The following TUT4 variants were observed in gnomAD, a reference collection of about 807,000 sequenced individuals.
TUT4 encodes terminal uridylyl transferase 4, also known as terminal uridylyltransferase 4.
Under a neutral mutation model 192.2 loss-of-function variants are expected in TUT4, and 36 were observed. That is an observed-to-expected ratio of 0.19 (90% CI 0.14 to 0.25). TUT4 has a LOEUF of 0.25. Ranked by LOEUF, TUT4 falls within the 10% of genes least tolerant of loss-of-function variation. The probability of loss-of-function intolerance (pLI) is 1.00; values close to 1 mark genes in which losing one functional copy is unlikely to be tolerated. For synonymous variants in TUT4, 618 were observed against 666.0 expected (o/e 0.93, Z 1.11); for missense variants, 1,493 against 1,957.2 (o/e 0.76, Z 4.47).
Position 52,461,719 on chromosome 1 carries a change from T to C in TUT4, c.3120A>G (p.Arg1040=). ...AAGATTCAAAATTCATACCTGGATGTCTCTTAAGAATTTTTGCCAAATTTT... is the reference window on the plus strand; with the variant it reads ...AAGATTCAAAATTCATACCTGGATGCCTCTTAAGAATTTTTGCCAAATTTT... ...IIENLAKILK[R]HPGLRNILPI... The change falls in exon 17 of 30, where the codon AGA becomes AGG. Residue 1040 remains arginine, a synonymous_variant. Coordinates refer to ENST00000257177, the MANE Select transcript of TUT4 (RefSeq NM_001009881.3). 6.6e-7 allele frequency: 1 copy of C among 1,510,946 alleles called. No individual in the cohort carries two copies. The allele number at this position is 1,510,946 out of a possible 1,614,324, so 93.6% of individuals were successfully genotyped here. A position where few individuals can be genotyped will look rare whatever the true frequency, so the allele number is the denominator to read the frequency against.
chr1:52,510,317 CAAAAAAAAAAAAA>C (rs200690805), intron 3 of TUT4, among the ~76,000 whole-genome samples: 4 of 78,600 alleles, frequency 5.1e-5, no homozygotes, highest in East Asian at 3.4e-4. Flanking sequence ...TTCGTATTAA[CAAAAAAAAAAAAA>C]AAAAAAAAAA....
At chr1:52,514,748 G>A (rs1008114935) in intron 3 of TUT4, 3 of 149,758 alleles carry the variant, frequency 2.0e-5, no homozygotes, top group African/African-American at 7.4e-5. Context: ...AATAACCCAA[G>A]TATCTGTTTG....
At chr1:52,438,080 T>A in intron 25 of TUT4, 140 bp downstream of exon 25, 1 of 585,814 alleles carries the variant, frequency 1.7e-6, no homozygotes, top group South Asian at 2.7e-5. Flanking sequence ...ATTACAAAAT[T>A]CCACTCAAAT....
At chr1:52,544,634 G>A (rs764883456) in intron 1 of TUT4, among the ~76,000 whole-genome samples, 3 of 152,204 alleles carry the variant, frequency 2.0e-5, no homozygotes, top group Non-Finnish European at 2.9e-5. Context: ...AAAGCTTCAT[G>A]ACACTGGAGT....
In TUT4 at chr1:52,477,881, G is replaced by A; in HGVS notation, c.1850C>T (p.Ser617Phe). The change falls in exon 12 of 30, where the codon TCT becomes TTT. Residue 617 changes from serine (S) to phenylalanine (F), a missense_variant and splice_region_variant. Physicochemically the swap from Ser to Phe is radical, Grantham distance 155. Coordinates refer to ENST00000257177, the MANE Select transcript of TUT4 (RefSeq NM_001009881.3). ...ATTTGGTGTTTCCAATGCTAAAGGAGACTGGAAAAGAAAAAATACTTTTCA... is the reference window on the plus strand; with the variant it reads ...ATTTGGTGTTTCCAATGCTAAAGGAAACTGGAAAAGAAAAAATACTTTTCA... The part of the protein sequence containing the change: ...SNAMKEKHGK[S>F]PLALETPNRV... 1.3e-6 allele frequency: 2 copies of A among 1,574,404 alleles called. No homozygotes were observed. Among genetic ancestry groups the A allele is most frequent in the Admixed American group, 2.0e-5 (1 of 49,210 alleles).
chr1:52,456,530 A>C (rs1480009091), intron 20 of TUT4, among the ~76,000 whole-genome samples: 2 of 151,612 alleles, frequency 1.3e-5, no homozygotes, highest in Non-Finnish European at 2.9e-5. Context: ...ATGAGCTATC[A>C]AGCCATGAAA....
intron 1 of TUT4, chr1:52,529,751 G>C (rs763833670): frequency 3.3e-5 from 5 of 151,992 alleles, no homozygotes; most frequent in Admixed American, 6.6e-5. Flanking sequence ...ATTAAAAAAA[G>C]AAAAAAATCA....
rs1344232673 is a variant in TUT4, at chr1:52,509,668, G to A, written c.927C>T (p.Cys309=). 6.2e-7 allele frequency: 1 copy of A among 1,612,106 alleles called. No individual in the cohort carries two copies. Among genetic ancestry groups the A allele is most frequent in the Non-Finnish European group, 8.5e-7 (1 of 1,178,694 alleles). Residue 309 remains cysteine, a synonymous_variant, in exon 4 of 30, where the codon TGC becomes TGT. Coordinates refer to ENST00000257177, the MANE Select transcript of TUT4 (RefSeq NM_001009881.3). ...YTNCRYLCKL[C]LIHIENIQGA... is the part of the protein sequence containing the mutation. ...CCTGGATATTTTCAATGTGAATTAA[G>A]CAAAGTTTGCATAGATACCGACAAT...
chr1:52,477,339 A>G (rs1667360196), intron 12 of TUT4, among the ~76,000 whole-genome samples: 2 of 152,186 alleles, frequency 1.3e-5, no homozygotes, highest in Non-Finnish European at 1.5e-5. Context: ...TGGGAGACCA[A>G]TGCAGGAGGA....
chr1:52,495,559 T>C (rs367720549), intron 5 of TUT4, 44 bp from the exon 6 acceptor site: 32 of 1,442,078 alleles, frequency 2.2e-5, no homozygotes, highest in Non-Finnish European at 2.7e-5. Context: ...AGCATGCAAA[T>C]ATGAGAGATG....
intron 19 of TUT4, among the ~76,000 whole-genome samples, chr1:52,459,848 C>T (rs140399272): frequency 0.012 from 1,874 of 151,726 alleles, 34 homozygotes; most frequent in African/African-American, 0.043. Context: ...TGCCACTGCA[C>T]GCCAGCCTGG....
intron 2 of TUT4, among the ~76,000 whole-genome samples, chr1:52,521,842 TA>T (rs1680366236): frequency 6.7e-6 from 1 of 150,212 alleles, no homozygotes; most frequent in South Asian, 2.1e-4. Flanking sequence ...CATGCACCTG[TA>T]AATCCCAGCT....
rs748596169 is a variant in TUT4 at position 52,475,432 on chromosome 1, A to G, written c.2127T>C (p.Cys709=). 8 of 1,614,114 alleles carry G rather than the reference A, an allele frequency of 5.0e-6. No homozygotes were observed. Among genetic ancestry groups the G allele is most frequent in the South Asian group, 1.1e-5 (1 of 91,076 alleles). ...RFRAAYRYFA[C]PQTKGGNKST... ...ACTTATTTCCACCCTTCGTCTGAGGACAGGCAAAATACCGATAAGCTGCCC... is the reference window on the plus strand; with the variant it reads ...ACTTATTTCCACCCTTCGTCTGAGGGCAGGCAAAATACCGATAAGCTGCCC... Residue 709 remains cysteine, a synonymous_variant, in exon 13 of 30, where the codon TGT becomes TGC. Transcript: ENST00000257177.
chr1:52,509,748 G>A, intron 3 of TUT4, 36 bp from the exon 4 acceptor site: 4 of 1,177,426 alleles, frequency 3.4e-6, no homozygotes, highest in Non-Finnish European at 5.1e-6. Context: ...ACTTTATTCA[G>A]AAAACAGAGG....
chr1:52,431,583 ATAAT>A (rs1407160364), intron 27 of TUT4, 123 bp from the exon 28 acceptor site: 5 of 784,208 alleles, frequency 6.4e-6, no homozygotes, highest in South Asian at 3.7e-5. Flanking sequence ...ATCATAACAA[ATAAT>A]TAGTTTTTCC....
chr1:52,502,824 A>G lies in TUT4; in HGVS notation c.1000-5641T>C, dbSNP rs139046171. ...TTATTGGTAGAGATGGGGTTTCACT[A>G]TGTTGCCCAGGCTGGTCTCAAACTC... On this transcript the variant is annotated intron_variant, in intron 4 of 29. Coordinates refer to ENST00000257177, the MANE Select transcript of TUT4 (RefSeq NM_001009881.3). 5.0e-3 allele frequency among the ~76,000 whole-genome samples: 761 copies of G among 151,878 alleles called. 8 individuals carry two copies. The highest frequency in any genetic ancestry group is 0.017 in the African/African-American group (706 of 41,394).
Position 52,526,985 on chromosome 1 carries a change from T to C in TUT4, c.-93-612A>G, listed in dbSNP as rs531041513. On this transcript the variant is annotated intron_variant, in intron 1 of 29. Coordinates refer to ENST00000257177, the MANE Select transcript of TUT4 (RefSeq NM_001009881.3). ...GTTGCAGTGAGCCAAGATCATGCCATTGTACTCCAGCCTGGGCAACAAGAA... is the reference window on the plus strand; with the variant it reads ...GTTGCAGTGAGCCAAGATCATGCCACTGTACTCCAGCCTGGGCAACAAGAA... Among the ~76,000 whole-genome samples, 15 of 151,916 alleles carry C rather than the reference T, an allele frequency of 9.9e-5. No homozygotes were observed. In the South Asian group the frequency reaches 2.3e-3, roughly 23 times the overall value.
At chr1:52,484,555 A>G (rs1669320338) in intron 9 of TUT4, among the ~76,000 whole-genome samples, 1 of 152,158 alleles carries the variant, frequency 6.6e-6, no homozygotes, top group African/African-American at 2.4e-5. Flanking sequence ...ACATACTCCT[A>G]CATTTTTCTT....
intron 26 of TUT4, among the ~76,000 whole-genome samples, chr1:52,435,906 T>A (rs1212597586): frequency 6.6e-6 from 1 of 151,950 alleles, no homozygotes; most frequent in Admixed American, 6.6e-5. Context: ...TCTGTCTCTC[T>A]CTATGTCTCT....
Sources: allele counts gnomAD v4.1 joint callset (sites outside exome capture counted in the v4.1 genomes callset), GRCh38; gene constraint gnomAD v4.1.1; transcripts MANE v1.5; gene names NCBI Gene and HGNC (gene_info 2026-07-23, HGNC 2026-07-21).